Variants in GSTZ1 observed in about 807,000 individuals in gnomAD.
The protein encoded by GSTZ1 is glutathione S-transferase zeta 1.
A neutral mutation model predicts 35.9 loss-of-function variants in GSTZ1; 34 were observed. That is an observed-to-expected ratio of 0.95 (90% CI 0.72 to 1.26). The LOEUF (loss-of-function observed/expected upper bound fraction) is 1.26, where lower values mean the gene tolerates loss of function less well. Ranked by LOEUF, GSTZ1 falls within the 50% of genes most tolerant of loss-of-function variation. The probability of loss-of-function intolerance (pLI) is 0.00; values close to 1 mark genes in which losing one functional copy is unlikely to be tolerated. For synonymous variants in GSTZ1, 93 were observed against 101.2 expected (o/e 0.92, Z 0.49); for missense variants, 263 against 271.7 (o/e 0.97, Z 0.23).
At chr14:77,328,230 C>G (rs1301700307) in intron 5 of GSTZ1, 193 bp downstream of exon 5, 22 of 606,960 alleles carry the variant, frequency 3.6e-5, no homozygotes, top group Non-Finnish European at 6.3e-5. Flanking sequence ...GCGGGTCCCC[C>G]GCTGCGTTCC....
intron 8 of GSTZ1, among the ~76,000 whole-genome samples, 168 bp downstream of exon 8, chr14:77,330,527 G>A (rs1892569908): frequency 6.6e-6 from 1 of 152,174 alleles, no homozygotes; most frequent in African/African-American, 2.4e-5. Flanking sequence ...AGAAATTGGG[G>A]CAGTGCTCCT....
In GSTZ1 at chr14:77,321,159, G is replaced by C; in HGVS notation, c.-10G>C. The C allele has an allele frequency of 6.9e-7, 1 of 1,455,578 alleles. No homozygotes were observed. Among genetic ancestry groups the C allele is most frequent in the Non-Finnish European group, 9.1e-7 (1 of 1,098,060 alleles). The allele number at this position is 1,455,578 out of a possible 1,614,324, so 90.2% of individuals were successfully genotyped here. On this transcript the variant is annotated 5_prime_UTR_variant, in exon 1 of 9. Transcript: ENST00000216465. The stretch of plus-strand genomic sequence containing the variant: ...CTCGGCCTGGAGGAGGGGGTCGCGC[G>C]AAGTGCCAGATGCAGGCGGGGAAGG...
At chr14:77,329,244 G>A in intron 6 of GSTZ1, 43 bp downstream of exon 6, 1 of 1,280,668 alleles carries the variant, frequency 7.8e-7, no homozygotes, top group Non-Finnish European at 1.1e-6. Context: ...TGGCCTCTTA[G>A]AGGTATGGCC....
intron 2 of GSTZ1, chr14:77,326,561 T>A (rs8177559): frequency 0.015 from 6,089 of 415,984 alleles, 341 homozygotes; most frequent in African/African-American, 0.11. Flanking sequence ...TTTATCACCA[T>A]CCAGGGGGCA....
intron 8 of GSTZ1, 54 bp downstream of exon 8, chr14:77,330,413 C>T: frequency 7.1e-7 from 1 of 1,409,474 alleles, no homozygotes. Context: ...ACAGTCAGGC[C>T]CCACTCAGCT....
chr14:77,325,992 C>G (rs1594822806), intron 2 of GSTZ1: 1 of 152,296 alleles, frequency 6.6e-6, no homozygotes, highest in Non-Finnish European at 1.5e-5. Context: ...CTGACCAACA[C>G]TAGGAGGAGC....
At chr14:77,321,740 A>G (rs750872743) in intron 1 of GSTZ1, among the ~76,000 whole-genome samples, 13 of 152,292 alleles carry the variant, frequency 8.5e-5, no homozygotes, top group Non-Finnish European at 1.5e-4. Flanking sequence ...AAAATTAGCC[A>G]GGCGTGGTAG....
intron 1 of GSTZ1, chr14:77,323,973 G>A (rs1273411164): frequency 1.3e-5 from 2 of 152,340 alleles, no homozygotes; most frequent in Non-Finnish European, 2.9e-5. Flanking sequence ...AAAGGCAGAG[G>A]TTTGTCCAAG....
intron 1 of GSTZ1, chr14:77,323,569 A>G (rs751615044): frequency 6.6e-6 from 1 of 152,156 alleles, no homozygotes; most frequent in Non-Finnish European, 1.5e-5. Context: ...CGAACTCCTG[A>G]CCTCAGGTGA....
intron 1 of GSTZ1, among the ~76,000 whole-genome samples, chr14:77,322,234 A>G (rs1892051982): frequency 6.6e-6 from 1 of 152,232 alleles, no homozygotes; most frequent in Non-Finnish European, 1.5e-5. Context: ...AAGTAATCAG[A>G]ATGCATATTT....
intron 5 of GSTZ1, 111 bp downstream of exon 5, chr14:77,328,148 T>G: frequency 9.4e-7 from 1 of 1,066,384 alleles, no homozygotes; most frequent in Non-Finnish European, 1.4e-6. Flanking sequence ...GGGAGGGGGA[T>G]TCTCAGGGCC....
intron 2 of GSTZ1, 64 bp downstream of exon 2, chr14:77,324,985 G>A (rs1459904246): frequency 7.3e-7 from 1 of 1,369,518 alleles, no homozygotes; most frequent in Non-Finnish European, 1.0e-6. Flanking sequence ...GATAAGCCCG[G>A]GTGCAAAGCT....
At position 77,327,466 on chromosome 14, in the gene GSTZ1, C is replaced by T. The variant is rs931544728; in HGVS notation, c.136-6C>T. The T allele has an allele frequency of 7.6e-5, 122 of 1,598,542 alleles. 1 individual carries two copies. Among genetic ancestry groups the T allele is most frequent in the Non-Finnish European group, 1.0e-4 (117 of 1,169,922 alleles). On this transcript the variant is annotated splice_region_variant and splice_polypyrimidine_tract_variant and intron_variant, in intron 3 of 8. Coordinates refer to ENST00000216465, the MANE Select transcript of GSTZ1 (RefSeq NM_145870.3). ...CACCCAGCCCACCAGGGCCTTGTCT[C>T]CACAGTTTTCTAAGGACTTCCAGGC...
intron 3 of GSTZ1, chr14:77,327,207 G>C (rs1165141826): frequency 1.7e-6 from 1 of 595,254 alleles, no homozygotes; most frequent in African/African-American, 1.9e-5. Context: ...GGCTGACTAG[G>C]GTAGGAGCTG....
rs1431105199 is a variant in GSTZ1, at chr14:77,331,266, CGA to C, written c.*75_*76del. ...TGGGTGGGCTGAAGAGGCCTGGAAACGAGAGTCTTAATTGAGGAGATGGGAGA... is the reference window on the plus strand; with the variant it reads ...TGGGTGGGCTGAAGAGGCCTGGAAACGAGTCTTAATTGAGGAGATGGGAGA... On this transcript the variant is annotated 3_prime_UTR_variant, in exon 9 of 9. Coordinates refer to ENST00000216465, the MANE Select transcript of GSTZ1 (RefSeq NM_145870.3). 3.3e-6 allele frequency: 5 copies of C among 1,526,966 alleles called. No individual in the cohort carries two copies. The highest frequency in any genetic ancestry group is 4.4e-6 in the Non-Finnish European group (5 of 1,131,050). 94.6% of individuals were successfully genotyped at this position (1,526,966 alleles called of 1,614,324 possible).
intron 1 of GSTZ1, 58 bp from the exon 2 acceptor site, chr14:77,324,812 C>T: frequency 6.5e-7 from 1 of 1,544,716 alleles, no homozygotes; most frequent in Non-Finnish European, 9.0e-7. Flanking sequence ...TTGACTCCTC[C>T]CAAGCTGGAG....
Position 77,326,829 on chromosome 14 carries a change from C to G in GSTZ1, c.68-9C>G, listed in dbSNP as rs1449565967. ...GTTCTTTGACTCCGCTATGTGCGGTCTCTCCTAGCTCTGGCCTTGAAAGGC... is the reference window on the plus strand; with the variant it reads ...GTTCTTTGACTCCGCTATGTGCGGTGTCTCCTAGCTCTGGCCTTGAAAGGC... On this transcript the variant is annotated splice_polypyrimidine_tract_variant and intron_variant, in intron 2 of 8. Transcript: ENST00000216465. The G allele has an allele frequency of 1.3e-6, 2 of 1,596,212 alleles. No individual in the cohort carries two copies. The highest frequency in any genetic ancestry group is 2.2e-5 in the East Asian group (1 of 44,630).
In GSTZ1 at chr14:77,331,213, G is replaced by T. The variant is rs375305439; in HGVS notation, c.*18G>T. 1 of 1,607,446 alleles carries T rather than the reference G, an allele frequency of 6.2e-7. No homozygotes were observed. On this transcript the variant is annotated 3_prime_UTR_variant, in exon 9 of 9. Coordinates refer to ENST00000216465, the MANE Select transcript of GSTZ1 (RefSeq NM_145870.3). The stretch of plus-strand genomic sequence containing the variant: ...GGGCCTAGCTCCCAAATCCTGCCCC[G>T]TTGGCACAGGGCCACAGGAGCAGAA...
intron 1 of GSTZ1, chr14:77,321,435 G>C (rs1206493103): frequency 6.6e-7 from 1 of 1,524,348 alleles, no homozygotes; most frequent in African/African-American, 1.4e-5. Context: ...GTCCGGTCGC[G>C]CTTCACTTCT....
Sources: gnomAD v4.1 joint callset for allele counts (sites outside exome capture counted in the v4.1 genomes callset) on GRCh38, gnomAD v4.1.1 for gene constraint, MANE v1.5 for transcripts, NCBI Gene and HGNC (gene_info 2026-07-23, HGNC 2026-07-21) for gene names.